CORIN: variants seen among roughly 807,000 people sequenced by gnomAD.
CORIN encodes the protein corin, serine peptidase, also known as atrial natriuretic peptide-converting enzyme.
Under a neutral mutation model 125.3 loss-of-function variants are expected in CORIN, and 117 were observed. The ratio of observed to expected loss-of-function variants is 0.93; its 90% CI spans 0.80 to 1.09. The LOEUF is 1.09. CORIN is among the 50% of genes least tolerant of loss of function. The pLI is 0.00. For missense variants in CORIN, 1,253 were observed against 1,306.7 expected, an observed-to-expected ratio of 0.96 and a Z score of 0.63; for synonymous variants, 450 against 466.4, an observed-to-expected ratio of 0.96 and a Z score of 0.45.
chr4:47,658,638 C>T (rs111763148), intron 12 of CORIN, among the ~76,000 whole-genome samples: 6 of 152,340 alleles, frequency 3.9e-5, no homozygotes, highest in African/African-American at 1.4e-4. Flanking sequence ...GGGACCTGGG[C>T]CTGGCCCATA....
chr4:47,748,986 C>T (rs1054601015), intron 4 of CORIN, among the ~76,000 whole-genome samples: 1 of 152,114 alleles, frequency 6.6e-6, no homozygotes, highest in Non-Finnish European at 1.5e-5. Context: ...AAACTAAGGA[C>T]CCTATTTGAA....
intron 19 of CORIN, among the ~76,000 whole-genome samples, chr4:47,614,917 C>T (rs1045680233): frequency 6.6e-6 from 1 of 151,988 alleles, no homozygotes; most frequent in Non-Finnish European, 1.5e-5. Flanking sequence ...AAGATTATCT[C>T]GGGCACTTAG....
At chr4:47,778,670 A>T (rs983089259) in intron 3 of CORIN, among the ~76,000 whole-genome samples, 1 of 152,214 alleles carries the variant, frequency 6.6e-6, no homozygotes, top group Non-Finnish European at 1.5e-5. Context: ...TCTTGCTTAG[A>T]TGTTGCTGTT....
At chr4:47,637,565 G>A (rs187965932) in intron 16 of CORIN, among the ~76,000 whole-genome samples, 3 of 152,340 alleles carry the variant, frequency 2.0e-5, no homozygotes, top group African/African-American at 7.2e-5. Context: ...TGACTAAAAG[G>A]GGCCAAGGTA....
At chr4:47,790,198 T>A (rs1398105668) in intron 2 of CORIN, 1 of 985,020 alleles carries the variant, frequency 1.0e-6, no homozygotes, top group Non-Finnish European at 1.2e-6. Context: ...TTAACTGCCA[T>A]AAAGGAAGGA....
At chr4:47,787,000 A>C in intron 2 of CORIN, 75 bp from the exon 3 acceptor site, 1 of 1,043,456 alleles carries the variant, frequency 9.6e-7, no homozygotes, top group Non-Finnish European at 1.4e-6. Context: ...AAAAAACATT[A>C]AGAAAACTCT....
At chr4:47,814,202 C>A (rs1223251208) in intron 1 of CORIN, among the ~76,000 whole-genome samples, 3 of 152,086 alleles carry the variant, frequency 2.0e-5, no homozygotes, top group African/African-American at 7.2e-5. Context: ...ACTGGTGTGT[C>A]CTAAACAGGA....
At chr4:47,785,271 C>T (rs1423883181) in intron 3 of CORIN, among the ~76,000 whole-genome samples, 1 of 152,194 alleles carries the variant, frequency 6.6e-6, no homozygotes, top group East Asian at 1.9e-4. Context: ...ACACCCAAAG[C>T]TTCTTGGCAT....
rs943262052 is a variant in CORIN at position 47,626,768 on chromosome 4, A to G, written c.2199-247T>C. On this transcript the variant is annotated intron_variant, in intron 16 of 21. Transcript: ENST00000273857. ...ATACAAAAGTTCCAACAGGTAAAAC[A>G]TAAGAATAACTTTAGGCAGAGATCA... 5.3e-5 allele frequency among the ~76,000 whole-genome samples: 8 copies of G among 152,248 alleles called. No individual in the cohort carries two copies. In the South Asian group the frequency reaches 1.0e-3, roughly 20 times the overall value.
chr4:47,818,882 A>G (rs1180541730), intron 1 of CORIN, among the ~76,000 whole-genome samples: 2 of 151,836 alleles, frequency 1.3e-5, no homozygotes, highest in Admixed American at 6.6e-5. Flanking sequence ...AAAACAGAAA[A>G]AAAAAAAAAA....
At chr4:47,781,297 T>C (rs1435275091) in intron 3 of CORIN, among the ~76,000 whole-genome samples, 1 of 152,212 alleles carries the variant, frequency 6.6e-6, no homozygotes, top group African/African-American at 2.4e-5. Flanking sequence ...TTATGATGGT[T>C]TGACTTTTAT....
chr4:47,825,697 CTT>C (rs759495221), intron 1 of CORIN, among the ~76,000 whole-genome samples: 27 of 134,792 alleles, frequency 2.0e-4, no homozygotes, highest in Non-Finnish European at 3.0e-4. Flanking sequence ...CAAACCACTG[CTT>C]TTTTTTTTTT....
At position 47,595,917 on chromosome 4, in the gene CORIN, C is replaced by T. The variant is rs768416891; in HGVS notation, c.2947-14G>A. 1.2e-5 allele frequency: 19 copies of T among 1,601,142 alleles called. No homozygotes were observed. The highest frequency in any genetic ancestry group is 1.1e-4 in the Admixed American group (6 of 57,108). On this transcript the variant is annotated splice_polypyrimidine_tract_variant and intron_variant, in intron 21 of 21. Transcript: ENST00000273857. Reference sequence around the variant, plus strand: ...ACCGCTGTCACCCTGCAATAAGTAACGATGGGAGTTAGGAACTGGCATTTC... The same window carrying T: ...ACCGCTGTCACCCTGCAATAAGTAATGATGGGAGTTAGGAACTGGCATTTC...
Position 47,603,733 on chromosome 4 carries a change from T to A in CORIN, c.2541-65A>T, listed in dbSNP as rs1721539389. 2.0e-6 allele frequency: 3 copies of A among 1,527,048 alleles called. No individual in the cohort carries two copies. The African/African-American group carries it at 4.1e-5, about 21-fold the overall frequency. The allele number at this position is 1,527,048 out of a possible 1,614,324, so 94.6% of individuals were successfully genotyped here. A position where few individuals can be genotyped will look rare whatever the true frequency, so the allele number is the denominator to read the frequency against. On this transcript the variant is annotated intron_variant, in intron 19 of 21. Coordinates refer to ENST00000273857, the MANE Select transcript of CORIN (RefSeq NM_006587.4). Reference sequence around the variant, plus strand: ...TAGTTTATCATGTGAAATTCACATGTAATTTTAAAACATTTTATTTATGTA... The same window carrying A: ...TAGTTTATCATGTGAAATTCACATGAAATTTTAAAACATTTTATTTATGTA...
At chr4:47,760,420 C>G (rs572960825) in intron 4 of CORIN, among the ~76,000 whole-genome samples, 1 of 152,236 alleles carries the variant, frequency 6.6e-6, no homozygotes, top group East Asian at 1.9e-4. Flanking sequence ...TGTCCTTTCT[C>G]CATTGAGTGT....
chr4:47,672,400 C>T (rs753742106), intron 10 of CORIN, among the ~76,000 whole-genome samples: 2 of 152,184 alleles, frequency 1.3e-5, no homozygotes, highest in African/African-American at 4.8e-5. Flanking sequence ...AAATTTGACA[C>T]AGGCTAACAT....
In CORIN at chr4:47,713,406, C is replaced by A. The variant is rs368036863; in HGVS notation, c.800-20323G>T. On this transcript the variant is annotated intron_variant, in intron 5 of 21. Coordinates refer to ENST00000273857, the MANE Select transcript of CORIN (RefSeq NM_006587.4). ...TATCCCATGCAGGGAAACATTCAAACAACTGAAGCTTATCTACTTAAGAGT... is the reference window on the plus strand; with the variant it reads ...TATCCCATGCAGGGAAACATTCAAAAAACTGAAGCTTATCTACTTAAGAGT... Among the ~76,000 whole-genome samples, 317 of 152,324 alleles carry A rather than the reference C, an allele frequency of 2.1e-3. 1 individual carries two copies. The highest frequency in any genetic ancestry group is 7.3e-3 in the African/African-American group (304 of 41,570).
intron 21 of CORIN, among the ~76,000 whole-genome samples, chr4:47,596,833 T>C (rs1033567751): frequency 3.3e-5 from 5 of 152,236 alleles, no homozygotes; most frequent in Non-Finnish European, 7.3e-5. Context: ...GATCCTCTTC[T>C]AAACATTTTC....
At chr4:47,717,680 T>G (rs1727156555) in intron 5 of CORIN, among the ~76,000 whole-genome samples, 12 of 152,182 alleles carry the variant, frequency 7.9e-5, no homozygotes, top group Admixed American at 7.9e-4. Flanking sequence ...GCCCCCTGCA[T>G]CAAATTTCTC....
Sources: gnomAD v4.1 joint callset for allele counts (sites outside exome capture counted in the v4.1 genomes callset) on GRCh38, gnomAD v4.1.1 for gene constraint, MANE v1.5 for transcripts, NCBI Gene and HGNC (gene_info 2026-07-23, HGNC 2026-07-21) for gene names.